The following PARD3B variants were observed in gnomAD, a reference collection of about 807,000 sequenced individuals.
PARD3B encodes partitioning defective 3 homolog B.
Under a neutral mutation model 130.2 loss-of-function variants are expected in PARD3B, and 103 were observed. The ratio of observed to expected loss-of-function variants is 0.79; its 90% confidence interval spans 0.67 to 0.93. The LOEUF (loss-of-function observed/expected upper bound fraction) is 0.93. Ranked by LOEUF, PARD3B falls within the 40% of genes least tolerant of loss-of-function variation. The probability of loss-of-function intolerance (pLI) is 0.00; values close to 1 mark genes in which losing one functional copy is unlikely to be tolerated. For missense variants in PARD3B, 1,609 were observed against 1,499.2 expected (o/e 1.07, Z -1.21); for synonymous variants, 583 against 553.2 (o/e 1.05, Z -0.76).
intron 2 of PARD3B, among the ~76,000 whole-genome samples, chr2:204,774,246 T>G (rs1392053717): frequency 6.6e-6 from 1 of 152,082 alleles, no homozygotes; most frequent in East Asian, 1.9e-4. Flanking sequence ...CTTCCTAACA[T>G]TATGTATTTC....
intron 4 of PARD3B, among the ~76,000 whole-genome samples, chr2:205,052,322 G>C (rs1699245537): frequency 6.6e-6 from 1 of 150,978 alleles, no homozygotes; most frequent in Non-Finnish European, 1.5e-5. Flanking sequence ...TTCTCAGAGA[G>C]TGAATGGCAT....
intron 1 of PARD3B, among the ~76,000 whole-genome samples, chr2:204,574,089 G>A (rs2032137223): frequency 6.6e-6 from 1 of 152,048 alleles, no homozygotes; most frequent in African/African-American, 2.4e-5. Flanking sequence ...GGTGGGTGTG[G>A]GAGCTCAAGA....
rs115181547 is a variant in PARD3B at position 205,138,409 on chromosome 2, C to T, written c.1434+12672C>T. Among the ~76,000 whole-genome samples the T allele has an allele frequency of 6.7e-3, 1,013 of 152,232 alleles. 4 individuals are homozygous for T. The highest frequency in any genetic ancestry group is 0.015 in the South Asian group (73 of 4,814). On this transcript the variant is annotated intron_variant, in intron 10 of 22. Coordinates refer to ENST00000406610, the MANE Select transcript of PARD3B (RefSeq NM_001302769.2). ...AGATGAAGAATGTGCTTTCCCCTCC[C>T]GTTCTTCTCCCACCTCACATAGAGA... is the stretch of plus-strand genomic sequence containing the variant.
rs536732656 is a variant in PARD3B, at chr2:205,599,774, C to T, written c.3261-15682C>T. Among the ~76,000 whole-genome samples, 3 of 152,236 alleles carry T rather than the reference C, an allele frequency of 2.0e-5. No homozygotes were observed. In the South Asian group the frequency reaches 6.2e-4, roughly 32 times the overall value. ...TCTTCTTGGTTCTGTAGGGAGGAAT[C>T]GTTGGTTCTGGGTGTTGTTAGAGGT... On this transcript the variant is annotated intron_variant, in intron 22 of 22. Transcript: ENST00000406610.
At chr2:205,319,158 T>C (rs1181822895) in intron 18 of PARD3B, among the ~76,000 whole-genome samples, 1 of 152,158 alleles carries the variant, frequency 6.6e-6, no homozygotes, top group African/African-American at 2.4e-5. Flanking sequence ...TTTCTACATC[T>C]GGCATCTGGT....
At chr2:204,947,320 G>A (rs911908378) in intron 2 of PARD3B, among the ~76,000 whole-genome samples, 3 of 152,082 alleles carry the variant, frequency 2.0e-5, no homozygotes, top group Non-Finnish European at 4.4e-5. Flanking sequence ...GTCTCATTTT[G>A]TCAATGACAT....
intron 2 of PARD3B, among the ~76,000 whole-genome samples, chr2:204,714,565 C>T (rs139557454): frequency 0.011 from 1,749 of 152,296 alleles, 21 homozygotes; most frequent in Non-Finnish European, 0.018. Flanking sequence ...GTCGTTTCTT[C>T]CTTTCCACAA....
At chr2:205,512,357 A>G (rs2050619668) in intron 21 of PARD3B, among the ~76,000 whole-genome samples, 1 of 152,156 alleles carries the variant, frequency 6.6e-6, no homozygotes, top group East Asian at 1.9e-4. Flanking sequence ...AAAGAATATA[A>G]TGTTGCTGTT....
At chr2:204,576,105 C>T (rs149079027) in intron 1 of PARD3B, among the ~76,000 whole-genome samples, 1 of 152,312 alleles carries the variant, frequency 6.6e-6, no homozygotes, top group African/African-American at 2.4e-5. Flanking sequence ...GCAACTAGAA[C>T]CTTGCAATAA....
At chr2:204,788,967 A>G (rs2042106111) in intron 2 of PARD3B, among the ~76,000 whole-genome samples, 2 of 152,150 alleles carry the variant, frequency 1.3e-5, no homozygotes, top group Non-Finnish European at 2.9e-5. Context: ...CTTTAGACGA[A>G]TTTGTCATAC....
intron 2 of PARD3B, among the ~76,000 whole-genome samples, chr2:204,832,232 C>A (rs1290819178): frequency 1.3e-5 from 2 of 150,970 alleles, no homozygotes; most frequent in Non-Finnish European, 3.0e-5. Context: ...TCTCAAAAAA[C>A]AAACAAACAA....
chr2:204,650,002 T>G (rs2035424731), intron 1 of PARD3B, among the ~76,000 whole-genome samples: 1 of 152,038 alleles, frequency 6.6e-6, no homozygotes, highest in Non-Finnish European at 1.5e-5. Flanking sequence ...AGAAAATATT[T>G]GAAAACTATG....
At chr2:204,631,226 G>A (rs895690059) in intron 1 of PARD3B, among the ~76,000 whole-genome samples, 6 of 149,514 alleles carry the variant, frequency 4.0e-5, no homozygotes, top group Non-Finnish European at 5.9e-5. Flanking sequence ...TCATTGTACC[G>A]ATGGGTCTTA....
intron 4 of PARD3B, among the ~76,000 whole-genome samples, chr2:205,098,905 G>T (rs1163264121): frequency 6.6e-6 from 1 of 152,138 alleles, no homozygotes; most frequent in East Asian, 1.9e-4. Context: ...CATTTTGGCT[G>T]TCAGAAATGC....
chr2:205,581,344 TGTGTGTGTAC>T (rs1268485514), intron 22 of PARD3B, among the ~76,000 whole-genome samples: 31 of 147,372 alleles, frequency 2.1e-4, no homozygotes, highest in East Asian at 9.7e-4. Flanking sequence ...CATATACGTG[TGTGTGTGTAC>T]GTGTGTGTAC....
chr2:205,482,941 A>G (rs2049300215), intron 20 of PARD3B, among the ~76,000 whole-genome samples: 1 of 151,792 alleles, frequency 6.6e-6, no homozygotes, highest in African/African-American at 2.4e-5. Flanking sequence ...ACTTCTCTGG[A>G]CTTACATCTG....
chr2:204,857,856 AGATG>A (rs979010480), intron 2 of PARD3B, among the ~76,000 whole-genome samples: 1 of 152,216 alleles, frequency 6.6e-6, no homozygotes, highest in African/African-American at 2.4e-5. Flanking sequence ...TCAAATGTCA[AGATG>A]ACATAATTAG....
chr2:205,469,688 A>G (rs1009949974), intron 20 of PARD3B, among the ~76,000 whole-genome samples: 2 of 152,210 alleles, frequency 1.3e-5, no homozygotes, highest in Non-Finnish European at 2.9e-5. Flanking sequence ...TATATTTGAC[A>G]TAGACTCCTG....
At chr2:205,065,304 T>G (rs1165187471) in intron 4 of PARD3B, among the ~76,000 whole-genome samples, 2 of 152,166 alleles carry the variant, frequency 1.3e-5, no homozygotes, top group Non-Finnish European at 1.5e-5. Context: ...GAATTTTGCA[T>G]GAAATTGTGA....
Sources: allele counts gnomAD v4.1 joint callset (sites outside exome capture counted in the v4.1 genomes callset), GRCh38; gene constraint gnomAD v4.1.1; transcripts MANE v1.5; gene names NCBI Gene and HGNC (gene_info 2026-07-23, HGNC 2026-07-21).